Variants in MDGA2 observed in about 807,000 individuals in gnomAD.
MDGA2 encodes MAM domain-containing glycosylphosphatidylinositol anchor protein 2.
In MDGA2, 40 loss-of-function variants were observed where a neutral mutation model predicts 117.8. The observed-to-expected ratio is 0.34, with a 90% CI of 0.26 to 0.44. MDGA2 has a LOEUF of 0.44. MDGA2 is among the 20% of genes least tolerant of loss of function. MDGA2 has a pLI of 1.00. For missense variants in MDGA2, 1,123 were observed against 1,250.6 expected (o/e 0.90, Z 1.54); for synonymous variants, 452 against 439.0 (o/e 1.03, Z -0.37).
At chr14:47,164,384 A>T (rs1194473037) in intron 3 of MDGA2, among the ~76,000 whole-genome samples, 2 of 152,126 alleles carry the variant, frequency 1.3e-5, no homozygotes, top group African/African-American at 4.8e-5. Context: ...GAATCTACAA[A>T]GAACTCAAAC....
At chr14:47,052,141 T>C (rs1229323243) in intron 7 of MDGA2, among the ~76,000 whole-genome samples, 1 of 151,886 alleles carries the variant, frequency 6.6e-6, no homozygotes, top group Non-Finnish European at 1.5e-5. Flanking sequence ...TAAAAATTAT[T>C]TTCAGCCCTC....
intron 3 of MDGA2, among the ~76,000 whole-genome samples, chr14:47,150,923 CAAAAAAA>C (rs34212740): frequency 1.2e-5 from 1 of 82,472 alleles, no homozygotes. Context: ...GACTCTGTCT[CAAAAAAA>C]AAAAAAAAAA....
chr14:47,331,436 T>C (rs1459636077), intron 1 of MDGA2, among the ~76,000 whole-genome samples: 2 of 151,982 alleles, frequency 1.3e-5, no homozygotes, highest in African/African-American at 2.4e-5. Context: ...AAATTTATAC[T>C]GTAGAAACTA....
At chr14:47,367,442 C>G (rs1281743782) in intron 1 of MDGA2, among the ~76,000 whole-genome samples, 1 of 152,124 alleles carries the variant, frequency 6.6e-6, no homozygotes, top group Non-Finnish European at 1.5e-5. Flanking sequence ...CAGGAAATAT[C>G]TTTAAAGTCA....
chr14:46,899,474 T>C (rs1037752634), intron 10 of MDGA2, among the ~76,000 whole-genome samples: 1 of 151,978 alleles, frequency 6.6e-6, no homozygotes, highest in Non-Finnish European at 1.5e-5. Context: ...AGCTTTAGCT[T>C]ATCTCACAGA....
intron 1 of MDGA2, among the ~76,000 whole-genome samples, chr14:47,376,370 C>T (rs1038840313): frequency 6.6e-6 from 1 of 152,076 alleles, no homozygotes; most frequent in African/African-American, 2.4e-5. Context: ...AGTATACATA[C>T]AGGCCAATAT....
At position 47,520,473 on chromosome 14, in the gene MDGA2, A is replaced by G. The variant is rs143583277; in HGVS notation, c.280+154044T>C. 3.4e-3 allele frequency among the ~76,000 whole-genome samples: 518 copies of G among 152,304 alleles called. 3 individuals are homozygous for G. The highest frequency in any genetic ancestry group is 0.012 in the African/African-American group (495 of 41,568). ...TGATAAGTAAAACTGCATATTATGA[A>G]CCCATGTGAACTTCCTAACGTAAAA... On this transcript the variant is annotated intron_variant, in intron 1 of 16. Transcript: ENST00000399232.
intron 8 of MDGA2, among the ~76,000 whole-genome samples, chr14:46,983,012 A>G (rs1886739940): frequency 3.3e-5 from 5 of 152,126 alleles, no homozygotes; most frequent in Admixed American, 3.3e-4. Context: ...AGTTTTTAGC[A>G]TGAAGGGTTG....
chr14:47,180,411 C>T (rs910776831), intron 3 of MDGA2, among the ~76,000 whole-genome samples: 5 of 152,148 alleles, frequency 3.3e-5, no homozygotes, highest in Non-Finnish European at 5.9e-5. Flanking sequence ...AGGAAACAGA[C>T]AACCTATGAG....
intron 1 of MDGA2, among the ~76,000 whole-genome samples, chr14:47,388,972 T>G (rs1336391491): frequency 6.6e-6 from 1 of 152,234 alleles, no homozygotes; most frequent in Non-Finnish European, 1.5e-5. Context: ...CCTTCTGTAT[T>G]ACATCTTCCC....
rs1890653411 is a variant in MDGA2, at chr14:47,342,292, A to ATATATATATATATATAAAAAATATGT, written c.281-40743_281-40742insACATATTTTTTATATATATATATATA. Among the ~76,000 whole-genome samples the ATATATATATATATATAAAAAATATGT allele has an allele frequency of 9.7e-5, 10 of 103,582 alleles. No individual in the cohort carries two copies. The South Asian group carries it at 4.7e-3, about 48-fold the overall frequency. 68.0% of individuals were successfully genotyped at this position (103,582 alleles called of 152,430 possible). Reference sequence around the variant, plus strand: ...TATATATATATATATAAAATATGTTATATATATAAATATGTGTGTATATAT... The same window carrying ATATATATATATATATAAAAAATATGT: ...TATATATATATATATAAAATATGTTATATATATATATATATAAAAAATATGTTATATATAAATATGTGTGTATATAT... On this transcript the variant is annotated intron_variant, in intron 1 of 16. Transcript: ENST00000399232.
At chr14:47,226,411 G>A (rs907799697) in intron 2 of MDGA2, among the ~76,000 whole-genome samples, 3 of 151,934 alleles carry the variant, frequency 2.0e-5, no homozygotes, top group African/African-American at 7.3e-5. Context: ...CACTAGATGG[G>A]CCTTAAAGCA....
chr14:47,638,235 T>A (rs1897359155), intron 1 of MDGA2, among the ~76,000 whole-genome samples: 1 of 152,136 alleles, frequency 6.6e-6, no homozygotes, highest in Non-Finnish European at 1.5e-5. Context: ...ATTTTGCAGT[T>A]GAAATCAATC....
intron 5 of MDGA2, among the ~76,000 whole-genome samples, chr14:47,104,453 C>G (rs368326867): frequency 6.8e-6 from 1 of 147,376 alleles, no homozygotes; most frequent in African/African-American, 2.5e-5. Flanking sequence ...ACCCCCCACT[C>G]CTGCCCACTG....
chr14:47,177,534 AGTAAACTATTGCAAG>A (rs1884519771), intron 3 of MDGA2, among the ~76,000 whole-genome samples: 1 of 152,196 alleles, frequency 6.6e-6, no homozygotes, highest in Non-Finnish European at 1.5e-5. Context: ...CATCATTCTC[AGTAAACTATTGCAAG>A]GACAAAAATC....
chr14:47,332,911 G>C (rs1319597376), intron 1 of MDGA2, among the ~76,000 whole-genome samples: 1 of 151,874 alleles, frequency 6.6e-6, no homozygotes, highest in Non-Finnish European at 1.5e-5. Flanking sequence ...ATGTGGTACT[G>C]TTTCTGAGCT....
At chr14:46,861,195 T>C (rs1001365565) in intron 14 of MDGA2, among the ~76,000 whole-genome samples, 4 of 151,894 alleles carry the variant, frequency 2.6e-5, no homozygotes, top group Non-Finnish European at 5.9e-5. Context: ...TAAAAGAATA[T>C]TTTTAAGACC....
chr14:47,611,206 C>G (rs1896841574), intron 1 of MDGA2, among the ~76,000 whole-genome samples: 1 of 152,046 alleles, frequency 6.6e-6, no homozygotes. Flanking sequence ...TAAAAATCAC[C>G]TCAATATGGA....
chr14:47,144,480 A>G (rs1397751625), intron 3 of MDGA2, among the ~76,000 whole-genome samples: 1 of 152,066 alleles, frequency 6.6e-6, no homozygotes. Context: ...CTATTTGTGG[A>G]TATAGTAAAA....
Sources: allele counts gnomAD v4.1 joint callset (sites outside exome capture counted in the v4.1 genomes callset), GRCh38; gene constraint gnomAD v4.1.1; transcripts MANE v1.5; gene names NCBI Gene and HGNC (gene_info 2026-07-23, HGNC 2026-07-21).